The following LRFN5 variants were observed in gnomAD, a reference collection of about 807,000 sequenced individuals.
The protein encoded by LRFN5 is leucine-rich repeat and fibronectin type-III domain-containing protein 5.
A neutral mutation model predicts 45.6 loss-of-function variants in LRFN5; 24 were observed. The ratio of observed to expected loss-of-function variants is 0.53; its 90% CI spans 0.38 to 0.74. The LOEUF is 0.74. Among genes scored for constraint, LRFN5 ranks in the 30% least tolerant of loss-of-function variants. LRFN5 has a pLI of 0.00. For synonymous variants in LRFN5, 340 were observed against 313.8 expected, an observed-to-expected ratio of 1.08 and a Z score of -0.88; for missense variants, 776 against 861.5, an observed-to-expected ratio of 0.90 and a Z score of 1.24.
intron 2 of LRFN5, among the ~76,000 whole-genome samples, chr14:41,827,666 C>A (rs1027845893): frequency 1.3e-5 from 2 of 151,898 alleles, no homozygotes; most frequent in Non-Finnish European, 2.9e-5. Context: ...AAACCATAGA[C>A]CTGCTACTCG....
intron 1 of LRFN5, among the ~76,000 whole-genome samples, chr14:41,745,140 C>G (rs1056071660): frequency 6.6e-6 from 1 of 151,972 alleles, no homozygotes; most frequent in Non-Finnish European, 1.5e-5. Context: ...GATTAAGTAT[C>G]TATACATTTT....
At chr14:41,856,179 A>G (rs1566486131) in intron 2 of LRFN5, among the ~76,000 whole-genome samples, 1 of 152,202 alleles carries the variant, frequency 6.6e-6, no homozygotes, top group African/African-American at 2.4e-5. Flanking sequence ...TAGCAAATGT[A>G]CTGTCATTGT....
chr14:41,650,362 G>C (rs985596742), intron 1 of LRFN5, among the ~76,000 whole-genome samples: 1 of 151,866 alleles, frequency 6.6e-6, no homozygotes, highest in Non-Finnish European at 1.5e-5. Flanking sequence ...AGACCAATGA[G>C]GATATGGTGA....
chr14:41,805,987 A>G (rs765833222), intron 2 of LRFN5, among the ~76,000 whole-genome samples: 18 of 152,186 alleles, frequency 1.2e-4, no homozygotes, highest in Non-Finnish European at 1.8e-4. Flanking sequence ...ACAGATCTGC[A>G]GTTGCAAATT....
intron 1 of LRFN5, among the ~76,000 whole-genome samples, chr14:41,739,763 A>G (rs1884609793): frequency 6.6e-6 from 1 of 150,468 alleles, no homozygotes; most frequent in Non-Finnish European, 1.5e-5. Context: ...GAAAATATAA[A>G]TGAAAGTAAA....
At chr14:41,827,762 A>G (rs547859994) in intron 2 of LRFN5, among the ~76,000 whole-genome samples, 1 of 152,146 alleles carries the variant, frequency 6.6e-6, no homozygotes, top group Admixed American at 6.5e-5. Flanking sequence ...TTGTTTTAAC[A>G]ATTTTTTATT....
At chr14:41,672,179 T>G (rs1475355082) in intron 1 of LRFN5, among the ~76,000 whole-genome samples, 1 of 152,220 alleles carries the variant, frequency 6.6e-6, no homozygotes, top group African/African-American at 2.4e-5. Flanking sequence ...TAGGATTAAG[T>G]TAGGATAACA....
intron 2 of LRFN5, among the ~76,000 whole-genome samples, chr14:41,823,792 C>T (rs774849218): frequency 4.6e-5 from 7 of 152,134 alleles, no homozygotes; most frequent in Admixed American, 6.5e-5. Context: ...TTCTTCTTCT[C>T]TCTCAGAAAT....
At chr14:41,819,687 C>G (rs1343726740) in intron 2 of LRFN5, among the ~76,000 whole-genome samples, 1 of 151,970 alleles carries the variant, frequency 6.6e-6, no homozygotes, top group Non-Finnish European at 1.5e-5. Flanking sequence ...AGGTGAGATT[C>G]CACACACTTT....
At chr14:41,856,679 T>TATTATTTTTTTTTTA (rs1566486513) in intron 2 of LRFN5, among the ~76,000 whole-genome samples, 1 of 60,096 alleles carries the variant, frequency 1.7e-5, no homozygotes, top group African/African-American at 5.7e-5. Flanking sequence ...ATTATTATTT[T>TATTATTTTTTTTTTA]TTTTTTTTTT....
At chr14:41,890,511 T>C (rs1161125585) in intron 3 of LRFN5, among the ~76,000 whole-genome samples, 1 of 151,426 alleles carries the variant, frequency 6.6e-6, no homozygotes, top group Non-Finnish European at 1.5e-5. Flanking sequence ...ATCGAGACCA[T>C]CCTGGCTAAC....
Position 41,637,550 on chromosome 14 carries a change from G to A in LRFN5, c.-197+28988G>A, listed in dbSNP as rs533808120. 1.1e-3 allele frequency among the ~76,000 whole-genome samples: 174 copies of A among 152,100 alleles called. 1 individual carries two copies. The highest frequency in any genetic ancestry group is 1.4e-3 in the Non-Finnish European group (92 of 67,998). On this transcript the variant is annotated intron_variant, in intron 1 of 5. Coordinates refer to ENST00000298119, the MANE Select transcript of LRFN5 (RefSeq NM_152447.5). ...TTTACCCTTATCCTGTTATCACAGC[G>A]CAGTAGTTAGAATTGGAATGATTCT...
Position 41,778,723 on chromosome 14 carries a change from A to G in LRFN5, c.-21+11694A>G, listed in dbSNP as rs546558517. On this transcript the variant is annotated intron_variant, in intron 2 of 5. Coordinates refer to ENST00000298119, the MANE Select transcript of LRFN5 (RefSeq NM_152447.5). ...GCCTCTGTGTGCAATATTGTCCTTC[A>G]CTAAAGCTAAAAGTTGTATAATGAA... Among the ~76,000 whole-genome samples the G allele has an allele frequency of 2.0e-5, 3 of 151,938 alleles. No homozygotes were observed. The East Asian group carries it at 5.8e-4, about 29-fold the overall frequency.
chr14:41,890,326 T>C (rs1890732354), intron 3 of LRFN5, among the ~76,000 whole-genome samples: 1 of 152,228 alleles, frequency 6.6e-6, no homozygotes. Context: ...ATATTACTTG[T>C]ATATTTTCAT....
At chr14:41,892,299 A>G in intron 4 of LRFN5, 1 of 962,050 alleles carries the variant, frequency 1.0e-6, no homozygotes, top group Non-Finnish European at 1.2e-6. Context: ...CAGTATATAT[A>G]TATACACATA....
At chr14:41,763,855 A>G (rs963714603) in intron 1 of LRFN5, among the ~76,000 whole-genome samples, 1 of 152,180 alleles carries the variant, frequency 6.6e-6, no homozygotes, top group Non-Finnish European at 1.5e-5. Flanking sequence ...GAACAGACTA[A>G]TATGGCATCC....
chr14:41,720,078 C>G (rs1380291132), intron 1 of LRFN5, among the ~76,000 whole-genome samples: 1 of 151,996 alleles, frequency 6.6e-6, no homozygotes, highest in African/African-American at 2.4e-5. Context: ...TGTCAAGCAG[C>G]TAGTGAGTAT....
chr14:41,862,474 CCTT>C (rs1321767982), intron 2 of LRFN5, among the ~76,000 whole-genome samples: 5 of 151,702 alleles, frequency 3.3e-5, no homozygotes, highest in Non-Finnish European at 5.9e-5. Context: ...CATTTGAATT[CCTT>C]CTTTTTTTTC....
At chr14:41,735,543 A>AT (rs1281792294) in intron 1 of LRFN5, among the ~76,000 whole-genome samples, 2 of 152,094 alleles carry the variant, frequency 1.3e-5, no homozygotes, top group Non-Finnish European at 1.5e-5. Context: ...ACGTGCTGGG[A>AT]TTATAGGTAT....
Sources: allele counts gnomAD v4.1 joint callset (sites outside exome capture counted in the v4.1 genomes callset), GRCh38; gene constraint gnomAD v4.1.1; transcripts MANE v1.5; gene names NCBI Gene and HGNC (gene_info 2026-07-23, HGNC 2026-07-21).